Variants in RIPOR2 observed in about 807,000 individuals in gnomAD.
RIPOR2 encodes RHO family interacting cell polarization regulator 2.
RIPOR2 carries 39 observed loss-of-function variants against 114.5 expected under a neutral mutation model. That is an observed-to-expected ratio of 0.34 (90% CI 0.26 to 0.44). RIPOR2 has a LOEUF of 0.44. Among genes scored for constraint, RIPOR2 ranks in the 20% least tolerant of loss-of-function variants. The pLI is 1.00. For missense variants in RIPOR2, 1,007 were observed against 1,255.1 expected (o/e 0.80, Z 2.99); for synonymous variants, 445 against 484.4 (o/e 0.92, Z 1.07).
intron 1 of RIPOR2, among the ~76,000 whole-genome samples, chr6:24,986,134 C>A (rs1304976323): frequency 6.6e-6 from 1 of 152,202 alleles, no homozygotes; most frequent in Non-Finnish European, 1.5e-5. Flanking sequence ...GTGTTTACTA[C>A]ATACTGGGCC....
At chr6:24,976,409 G>A (rs9379702) in intron 1 of RIPOR2, 277,925 of 1,507,982 alleles carry the variant, frequency 0.18, 30,578 homozygotes, top group East Asian at 0.54. Flanking sequence ...AAAACCGTGT[G>A]CTATTAGCCA....
intron 12 of RIPOR2, among the ~76,000 whole-genome samples, chr6:24,843,792 T>C (rs558145517): frequency 6.6e-6 from 1 of 151,672 alleles, no homozygotes; most frequent in East Asian, 1.9e-4. Context: ...TATTGTTGAA[T>C]CTAGGTGAAA....
At chr6:24,933,599 G>C (rs1452984406) in intron 1 of RIPOR2, among the ~76,000 whole-genome samples, 1 of 152,204 alleles carries the variant, frequency 6.6e-6, no homozygotes, top group African/African-American at 2.4e-5. Flanking sequence ...TAAGTTAAAT[G>C]AGATAATCAG....
At chr6:24,837,519 C>T (rs1761223915) in intron 14 of RIPOR2, among the ~76,000 whole-genome samples, 1 of 152,168 alleles carries the variant, frequency 6.6e-6, no homozygotes, top group African/African-American at 2.4e-5. Flanking sequence ...AAGCAATCCT[C>T]CCACCTCAGC....
chr6:24,883,618 C>T lies in RIPOR2; in HGVS notation c.62-7801G>A, dbSNP rs1188391484. 6.6e-6 allele frequency among the ~76,000 whole-genome samples: 1 copy of T among 152,008 alleles called. No individual in the cohort carries two copies. The highest frequency in any genetic ancestry group is 1.5e-5 in the Non-Finnish European group (1 of 68,016). On this transcript the variant is annotated intron_variant, in intron 1 of 21. Coordinates refer to ENST00000643898, the MANE Select transcript of RIPOR2 (RefSeq NM_001286445.3). This position sits in a 1 kb window ranked among gnomAD's most constrained non-coding sequence, Gnocchi z 4.1. ...ATTTTATGGTATGTGAATTGTACAT[C>T]AATAAAGCTGTTTAAAAAAAATCAC... is the stretch of plus-strand genomic sequence containing the variant.
At chr6:25,015,823 G>A (rs1775947538) in intron 1 of RIPOR2, 2 of 149,956 alleles carry the variant, frequency 1.3e-5, no homozygotes, top group Non-Finnish European at 3.0e-5. Context: ...GGAGGAGGAG[G>A]TCTTTCATGG....
chr6:24,962,913 G>A (rs1221996708), intron 1 of RIPOR2, among the ~76,000 whole-genome samples: 2 of 152,196 alleles, frequency 1.3e-5, no homozygotes, highest in Non-Finnish European at 2.9e-5. Context: ...TATCTTTGTT[G>A]ATGGAGGCCA....
chr6:24,836,767 T>A (rs1006838205), intron 14 of RIPOR2, among the ~76,000 whole-genome samples: 1 of 152,158 alleles, frequency 6.6e-6, no homozygotes, highest in Non-Finnish European at 1.5e-5. Flanking sequence ...ACTCAGTTTG[T>A]GTCTGGGCAG....
At chr6:24,923,426 A>T (rs542146186) in intron 1 of RIPOR2, among the ~76,000 whole-genome samples, 6 of 151,908 alleles carry the variant, frequency 3.9e-5, no homozygotes, top group Non-Finnish European at 7.4e-5. Context: ...TCTATTTTTA[A>T]TTTTTTTTAG....
At chr6:24,874,895 T>C (rs1441574477) in intron 2 of RIPOR2, among the ~76,000 whole-genome samples, 2 of 152,192 alleles carry the variant, frequency 1.3e-5, no homozygotes, top group East Asian at 1.9e-4. Context: ...TTTCAACATC[T>C]CTAGTAGTGC....
intron 12 of RIPOR2, among the ~76,000 whole-genome samples, chr6:24,844,837 A>G (rs1762098628): frequency 6.6e-6 from 1 of 152,178 alleles, no homozygotes; most frequent in South Asian, 2.1e-4. Flanking sequence ...AATGGTAAGT[A>G]TCATGCTAAT....
chr6:25,037,944 C>T lies in RIPOR2; in HGVS notation c.76+3907G>A, dbSNP rs950938937. 3.9e-5 allele frequency among the ~76,000 whole-genome samples: 6 copies of T among 152,084 alleles called. No homozygotes were observed. Among genetic ancestry groups the T allele is most frequent in the Non-Finnish European group, 5.9e-5 (4 of 68,020 alleles). Reference sequence around the variant, plus strand: ...GTGGGGATCATTGTTAATTTTATTACGCAGTTATGTAGAAAAATGTACTTA... The same window carrying T: ...GTGGGGATCATTGTTAATTTTATTATGCAGTTATGTAGAAAAATGTACTTA... On this transcript the variant is annotated intron_variant, in intron 1 of 13. Transcript: ENST00000510784. This position sits in a 1 kb window ranked among gnomAD's most constrained non-coding sequence, Gnocchi z 4.5.
At chr6:25,039,705 G>A (rs1036004711) in intron 1 of RIPOR2, among the ~76,000 whole-genome samples, 3 of 152,134 alleles carry the variant, frequency 2.0e-5, no homozygotes, top group East Asian at 1.9e-4. Context: ...CTCAGTGACG[G>A]ATTCCATAAC....
At chr6:25,001,347 G>A (rs1775306051) in intron 1 of RIPOR2, among the ~76,000 whole-genome samples, 1 of 152,096 alleles carries the variant, frequency 6.6e-6, no homozygotes, top group African/African-American at 2.4e-5. Context: ...GAGAGTAGTT[G>A]GGTGCAGTGG....
upstream of RIPOR2, among the ~76,000 whole-genome samples, chr6:24,937,273 A>T (rs1209700904): frequency 6.6e-6 from 1 of 152,176 alleles, no homozygotes; most frequent in East Asian, 1.9e-4. Flanking sequence ...TTTGGGTGGC[A>T]CAATGACTGG....
At chr6:24,930,853 C>T (rs970736667) in intron 1 of RIPOR2, among the ~76,000 whole-genome samples, 1 of 152,196 alleles carries the variant, frequency 6.6e-6, no homozygotes, top group African/African-American at 2.4e-5. Flanking sequence ...TTTTCCAATC[C>T]CGTTATTGGG....
At chr6:25,032,587 C>T (rs1001298141) in intron 1 of RIPOR2, among the ~76,000 whole-genome samples, 1 of 152,170 alleles carries the variant, frequency 6.6e-6, no homozygotes, top group Non-Finnish European at 1.5e-5. Context: ...TGCATACCTT[C>T]TCCCGATTAC....
rs1763675609 is a variant in RIPOR2 at position 24,858,180 on chromosome 6, G to A, written c.715+2793C>T. On this transcript the variant is annotated intron_variant, in intron 8 of 21. Coordinates refer to ENST00000643898, the MANE Select transcript of RIPOR2 (RefSeq NM_001286445.3). This position sits in a 1 kb window ranked among gnomAD's most constrained non-coding sequence, Gnocchi z 4.0. ...TTGTTCCATTGAATGAGAATGCACA[G>A]CCTCATATGTCTGTTTTCTCTGGTA... Among the ~76,000 whole-genome samples the A allele has an allele frequency of 6.6e-6, 1 of 152,196 alleles. No individual in the cohort carries two copies. The highest frequency in any genetic ancestry group is 2.1e-4 in the South Asian group (1 of 4,836).
rs780836836 is a variant in RIPOR2 at position 24,843,057 on chromosome 6, C to T, written c.1662G>A (p.Glu554=). ...KQLVKRLTSA[E]VPMATDRLLS... ...GCAGCCTGTCTGTGGCCATTGGCAC[C>T]TCTGCAGATGTGAGCCTCTTGACCA... Residue 554 remains glutamate (E), a synonymous_variant, in exon 13 of 22, where the codon GAG becomes GAA. Transcript: ENST00000643898. 3.1e-6 allele frequency: 5 copies of T among 1,613,556 alleles called. No individual in the cohort carries two copies. The South Asian group carries it at 3.3e-5, about 11-fold the overall frequency.
Sources: allele counts gnomAD v4.1 joint callset (sites outside exome capture counted in the v4.1 genomes callset), GRCh38; gene constraint gnomAD v4.1.1; non-coding constraint Gnocchi (gnomAD v3.1); transcripts MANE v1.5; gene names NCBI Gene and HGNC (gene_info 2026-07-23, HGNC 2026-07-21).